PKHD1: variants seen among roughly 807,000 people sequenced by gnomAD.
The protein encoded by PKHD1 is fibrocystin.
Under a neutral mutation model 412.0 loss-of-function variants are expected in PKHD1, and 291 were observed. That is an observed-to-expected ratio of 0.71 (90% CI 0.64 to 0.78). The LOEUF is 0.78. PKHD1 is among the 30% of genes least tolerant of loss of function. The pLI is 0.00. For synonymous variants in PKHD1, 1,777 were observed against 1,821.5 expected (o/e 0.98, Z 0.62); for missense variants, 4,825 against 4,950.7 (o/e 0.97, Z 0.76).
rs1406265397 is a variant in PKHD1, at chr6:51,887,234, C to G, written c.7008G>C (p.Val2336=). The G allele has an allele frequency of 4.4e-6, 7 of 1,603,024 alleles. No homozygotes were observed. The highest frequency in any genetic ancestry group is 1.3e-5 in the African/African-American group (1 of 74,718). The change falls in exon 44 of 67, where the codon GTG becomes GTC. Residue 2336 remains valine (V), a synonymous_variant. Transcript: ENST00000371117. ...AAAAGTAGCCATAGCCAGCACCACACACTCTGTTCCCCTACAGAAATTAAG... is the reference window on the plus strand; with the variant it reads ...AAAAGTAGCCATAGCCAGCACCACAGACTCTGTTCCCCTACAGAAATTAAG... ...SPTNVIEGNR[V]CGAGYGYFFH...
intron 44 of PKHD1, 48 bp downstream of exon 44, chr6:51,887,085 G>T: frequency 8.6e-7 from 1 of 1,158,186 alleles, no homozygotes; most frequent in Non-Finnish European, 1.3e-6. Context: ...ACAGTAAAAT[G>T]TGAAATCATA....
At chr6:51,643,006 G>A (rs1469884153) in intron 63 of PKHD1, among the ~76,000 whole-genome samples, 1 of 152,134 alleles carries the variant, frequency 6.6e-6, no homozygotes, top group African/African-American at 2.4e-5. Flanking sequence ...GGGGAGGTGA[G>A]TTCCAGTAGT....
intron 51 of PKHD1, among the ~76,000 whole-genome samples, chr6:51,832,167 A>G (rs889682008): frequency 5.3e-5 from 8 of 152,086 alleles, no homozygotes; most frequent in South Asian, 2.1e-4. Context: ...TTAGGAGGAT[A>G]AAAACTCTAC....
intron 6 of PKHD1, 67 bp from the exon 7 acceptor site, chr6:52,073,608 T>C: frequency 2.1e-6 from 2 of 958,870 alleles, no homozygotes; most frequent in Non-Finnish European, 3.4e-6. Flanking sequence ...TAAAAAACCA[T>C]GTTTCTTTTT....
At chr6:51,964,844 G>A (rs1387726904) in intron 35 of PKHD1, among the ~76,000 whole-genome samples, 1 of 151,982 alleles carries the variant, frequency 6.6e-6, no homozygotes, top group African/African-American at 2.4e-5. Context: ...CTTTCACCCT[G>A]ACATAAATAA....
At chr6:51,840,790 C>T (rs1770049590) in intron 50 of PKHD1, among the ~76,000 whole-genome samples, 1 of 152,214 alleles carries the variant, frequency 6.6e-6, no homozygotes, top group Non-Finnish European at 1.5e-5. Context: ...CCTTACTTCA[C>T]AATTCGTACT....
chr6:51,848,092 C>G, intron 49 of PKHD1, 122 bp from the exon 50 acceptor site: 1 of 720,260 alleles, frequency 1.4e-6, no homozygotes, highest in Non-Finnish European at 2.5e-6. Context: ...GTTTAGAAAT[C>G]ATACAATTTA....
chr6:51,872,672 C>G (rs973841350), intron 46 of PKHD1, among the ~76,000 whole-genome samples: 95 of 152,030 alleles, frequency 6.2e-4, no homozygotes, highest in Non-Finnish European at 1.2e-4. Context: ...GCCTCCCAAA[C>G]TGCTGGGATT....
intron 55 of PKHD1, among the ~76,000 whole-genome samples, chr6:51,763,874 T>C (rs9382017): frequency 0.32 from 48,502 of 151,774 alleles, 9,636 homozygotes; most frequent in East Asian, 0.69. Flanking sequence ...ATAATAAGTG[T>C]TACCTCCTAT....
At chr6:51,714,658 C>A (rs1247439199) in intron 60 of PKHD1, among the ~76,000 whole-genome samples, 1 of 152,154 alleles carries the variant, frequency 6.6e-6, no homozygotes, top group African/African-American at 2.4e-5. Flanking sequence ...TGCTCAATAC[C>A]TACCTGTGGC....
intron 36 of PKHD1, among the ~76,000 whole-genome samples, chr6:51,940,171 T>C (rs888888244): frequency 1.3e-5 from 2 of 151,670 alleles, no homozygotes; most frequent in African/African-American, 4.8e-5. Flanking sequence ...GGCCGTCTTA[T>C]TCTCAATATA....
chr6:51,909,775 T>C (rs1005235691), intron 39 of PKHD1, among the ~76,000 whole-genome samples: 3 of 152,112 alleles, frequency 2.0e-5, no homozygotes, highest in Admixed American at 6.6e-5. Context: ...TAGATGCTTA[T>C]TTCAATCTAA....
chr6:51,753,167 CT>C, intron 57 of PKHD1, 33 bp downstream of exon 57: 1 of 1,600,826 alleles, frequency 6.2e-7, no homozygotes, highest in South Asian at 1.1e-5. Flanking sequence ...TAGGCTCCAA[CT>C]GGTAATGGCC....
At chr6:52,077,038 C>T (rs1189760770) in intron 5 of PKHD1, among the ~76,000 whole-genome samples, 2 of 152,290 alleles carry the variant, frequency 1.3e-5, no homozygotes, top group East Asian at 3.9e-4. Flanking sequence ...TGCCCCCTGT[C>T]CCCAAAGCAC....
chr6:51,653,025 A>C (rs2580005), intron 61 of PKHD1, among the ~76,000 whole-genome samples: 1 of 152,054 alleles, frequency 6.6e-6, no homozygotes, highest in African/African-American at 2.4e-5. Flanking sequence ...TTCTAAATTA[A>C]ATATATTATG....
chr6:51,796,604 G>T (rs1243111404), intron 52 of PKHD1, among the ~76,000 whole-genome samples: 2 of 151,830 alleles, frequency 1.3e-5, no homozygotes, highest in African/African-American at 4.8e-5. Flanking sequence ...GTTAACTTGA[G>T]ATCTTTCTAG....
chr6:51,914,966 G>A lies in PKHD1; in HGVS notation c.6122-2390C>T, dbSNP rs185120345. On this transcript the variant is annotated intron_variant, in intron 37 of 66. Transcript: ENST00000371117. ...AAACCTTGTAGTGATCAGTGACATCGTTCCTTCAGCAAAATCTGTGTGTAC... is the reference window on the plus strand; with the variant it reads ...AAACCTTGTAGTGATCAGTGACATCATTCCTTCAGCAAAATCTGTGTGTAC... Among the ~76,000 whole-genome samples the A allele has an allele frequency of 1.4e-3, 207 of 152,158 alleles. 3 individuals are homozygous for A. The highest frequency in any genetic ancestry group is 1.2e-3 in the Non-Finnish European group (82 of 67,986).
At chr6:52,083,328 C>A in intron 2 of PKHD1, 73 bp from the exon 3 acceptor site, 1 of 961,600 alleles carries the variant, frequency 1.0e-6, no homozygotes, top group Non-Finnish European at 1.7e-6. Context: ...ATATTTTAAG[C>A]AATATTTAAC....
intron 59 of PKHD1, 43 bp downstream of exon 59, chr6:51,746,678 G>A (rs755659757): frequency 1.6e-6 from 2 of 1,241,394 alleles, no homozygotes; most frequent in East Asian, 2.3e-5. Flanking sequence ...GAATTGCCAA[G>A]TACTTCATAA....
Sources: gnomAD v4.1 joint callset for allele counts (sites outside exome capture counted in the v4.1 genomes callset) on GRCh38, gnomAD v4.1.1 for gene constraint, MANE v1.5 for transcripts, NCBI Gene and HGNC (gene_info 2026-07-23, HGNC 2026-07-21) for gene names.